The following DGKG variants were observed in gnomAD, a reference collection of about 807,000 sequenced individuals.
DGKG encodes DAG kinase gamma.
A neutral mutation model predicts 105.3 loss-of-function variants in DGKG; 78 were observed. The ratio of observed to expected loss-of-function variants is 0.74; its 90% CI spans 0.62 to 0.89. The LOEUF is 0.89. DGKG is among the 40% of genes least tolerant of loss of function. The pLI, the probability that DGKG is intolerant of heterozygous loss-of-function variation, is 0.00. For missense variants in DGKG, 958 were observed against 1,020.1 expected, an observed-to-expected ratio of 0.94 and a Z score of 0.83; for synonymous variants, 346 against 367.1, an observed-to-expected ratio of 0.94 and a Z score of 0.66.
At chr3:186,265,356 A>C in intron 13 of DGKG, 50 bp from the exon 14 acceptor site, 2 of 1,543,234 alleles carry the variant, frequency 1.3e-6, no homozygotes, top group Non-Finnish European at 1.8e-6. Context: ...GAAGCCTAAC[A>C]CAAAGAAAGA....
At chr3:186,360,279 C>A (rs1654668864) in intron 1 of DGKG, among the ~76,000 whole-genome samples, 2 of 152,114 alleles carry the variant, frequency 1.3e-5, no homozygotes, top group South Asian at 2.1e-4. Context: ...TGATCTGAAC[C>A]AACCACTCCA....
At chr3:186,302,970 G>A (rs929403002) in intron 3 of DGKG, among the ~76,000 whole-genome samples, 2 of 152,072 alleles carry the variant, frequency 1.3e-5, no homozygotes, top group Non-Finnish European at 2.9e-5. Flanking sequence ...TGATGCCTCC[G>A]AGGCTCAGGA....
intron 2 of DGKG, among the ~76,000 whole-genome samples, chr3:186,308,714 TA>T (rs1217571865): frequency 1.3e-5 from 2 of 152,242 alleles, no homozygotes; most frequent in Non-Finnish European, 2.9e-5. Context: ...AATAGCTCAG[TA>T]AGAGCCAGGC....
At chr3:186,178,631 C>T (rs1016744259) in intron 22 of DGKG, among the ~76,000 whole-genome samples, 1 of 152,194 alleles carries the variant, frequency 6.6e-6, no homozygotes, top group Non-Finnish European at 1.5e-5. Context: ...ATTTCCACCT[C>T]GCCAGGCCCT....
chr3:186,223,188 C>T lies in DGKG; in HGVS notation c.1827-11303G>A, dbSNP rs547165403. On this transcript the variant is annotated intron_variant, in intron 20 of 24. Coordinates refer to ENST00000265022, the MANE Select transcript of DGKG (RefSeq NM_001346.3). ...GATTGGGGATCTTTGCTTTCCTCAA[C>T]TTCCTGGGAAAGAAACCTGGAGACT... Among the ~76,000 whole-genome samples, 25 of 151,532 alleles carry T rather than the reference C, an allele frequency of 1.6e-4. 1 individual carries two copies. The South Asian group carries it at 4.8e-3, about 29-fold the overall frequency.
At chr3:186,311,834 A>ATTTGAGCATTAGACCATTAAACT (rs1724558721) in intron 2 of DGKG, among the ~76,000 whole-genome samples, 2 of 147,994 alleles carry the variant, frequency 1.4e-5, no homozygotes, top group South Asian at 2.1e-4. Flanking sequence ...AACACAGAGT[A>ATTTGAGCATTAGACCATTAAACT]GGCCGGGCGC....
intron 21 of DGKG, chr3:186,207,413 G>A (rs748137563): frequency 6.1e-6 from 6 of 979,340 alleles, no homozygotes; most frequent in Non-Finnish European, 6.1e-6. Flanking sequence ...GACCTCAGGT[G>A]AGCTTCTTAC....
intron 20 of DGKG, among the ~76,000 whole-genome samples, chr3:186,232,067 A>T (rs546639343): frequency 6.6e-6 from 1 of 152,374 alleles, no homozygotes; most frequent in Non-Finnish European, 1.5e-5. Flanking sequence ...TGTTGAAAGG[A>T]TAAAATATTT....
intron 3 of DGKG, among the ~76,000 whole-genome samples, chr3:186,300,556 G>T (rs560068168): frequency 6.6e-6 from 1 of 152,002 alleles, no homozygotes. Context: ...TGAATAATAT[G>T]GCACTGTTCT....
intron 1 of DGKG, among the ~76,000 whole-genome samples, chr3:186,331,990 G>C (rs1283570329): frequency 7.8e-6 from 1 of 128,514 alleles, no homozygotes; most frequent in African/African-American, 3.0e-5. Flanking sequence ...TGATGAGACT[G>C]TATAGGAATC....
At position 186,209,124 on chromosome 3, in the gene DGKG, C is replaced by T. The variant is rs549623849; in HGVS notation, c.1917+2671G>A. On this transcript the variant is annotated intron_variant, in intron 21 of 24. Transcript: ENST00000265022. The stretch of plus-strand genomic sequence containing the variant: ...TTTTTTTTTTTTTTTTTTAAGACGG[C>T]GTCTTTCTCTGTCTTGCGCAGGCTG... Among the ~76,000 whole-genome samples the T allele has an allele frequency of 8.0e-5, 9 of 112,670 alleles. No individual in the cohort carries two copies. The South Asian group carries it at 2.2e-3, about 27-fold the overall frequency. 73.9% of individuals were successfully genotyped at this position (112,670 alleles called of 152,430 possible). A position where few individuals can be genotyped will look rare whatever the true frequency, so the allele number is the denominator to read the frequency against.
intron 3 of DGKG, among the ~76,000 whole-genome samples, chr3:186,305,640 G>T (rs1045493710): frequency 2.0e-4 from 31 of 152,176 alleles, no homozygotes; most frequent in South Asian, 4.1e-4. Context: ...GAAGCAGGGA[G>T]ATGAGTTAGG....
chr3:186,306,095 G>A (rs971026465), intron 3 of DGKG, among the ~76,000 whole-genome samples: 2 of 152,198 alleles, frequency 1.3e-5, no homozygotes, highest in African/African-American at 4.8e-5. Flanking sequence ...TAGCCATAGG[G>A]AGGCCCTTGG....
chr3:186,277,314 GTGTT>G (rs1722632591), intron 9 of DGKG, among the ~76,000 whole-genome samples: 1 of 152,182 alleles, frequency 6.6e-6, no homozygotes, highest in African/African-American at 2.4e-5. Context: ...AAACTAAAAA[GTGTT>G]TGTTGACGTG....
chr3:186,209,103 T>G (rs986186995), intron 21 of DGKG, among the ~76,000 whole-genome samples: 214 of 147,020 alleles, frequency 1.5e-3, no homozygotes, highest in Non-Finnish European at 2.8e-3. Flanking sequence ...CTTTTTTTTT[T>G]TTTTTTTTTT....
chr3:186,340,303 T>C (rs1206772160), intron 1 of DGKG, among the ~76,000 whole-genome samples: 1 of 152,182 alleles, frequency 6.6e-6, no homozygotes, highest in Non-Finnish European at 1.5e-5. Context: ...TGGAAACATC[T>C]GCTTGCAGGG....
chr3:186,287,035 A>AAAATAAATAAATAAATAAATAAAT (rs56077495), intron 6 of DGKG, among the ~76,000 whole-genome samples: 264 of 142,568 alleles, frequency 1.9e-3, no homozygotes, highest in African/African-American at 5.6e-3. Context: ...ACTCCATCTC[A>AAAATAAATAAATAAATAAATAAAT]AAATAAATAA....
chr3:186,206,705 T>A (rs940805089), intron 21 of DGKG, among the ~76,000 whole-genome samples: 4 of 151,880 alleles, frequency 2.6e-5, no homozygotes, highest in African/African-American at 9.7e-5. Flanking sequence ...AGACCAGGGA[T>A]GGTGAGGGTG....
chr3:186,192,707 T>G (rs1717965633), intron 21 of DGKG, among the ~76,000 whole-genome samples: 1 of 152,204 alleles, frequency 6.6e-6, no homozygotes, highest in Non-Finnish European at 1.5e-5. Flanking sequence ...AATCGGGATT[T>G]TTGCTGATGC....
Sources: allele counts gnomAD v4.1 joint callset (sites outside exome capture counted in the v4.1 genomes callset), GRCh38; gene constraint gnomAD v4.1.1; transcripts MANE v1.5; gene names NCBI Gene and HGNC (gene_info 2026-07-23, HGNC 2026-07-21).